The following GDF2 variants were observed in gnomAD, a reference collection of about 807,000 sequenced individuals.
The protein encoded by GDF2 is growth/differentiation factor 2.
In GDF2, 17 loss-of-function variants were observed where a neutral mutation model predicts 16.9. The observed-to-expected ratio is 1.00, with a 90% confidence interval of 0.69 to 1.51. The LOEUF is 1.51. GDF2 is among the 40% of genes most tolerant of loss of function. GDF2 has a pLI of 0.00. For missense variants in GDF2, 523 were observed against 556.3 expected, an observed-to-expected ratio of 0.94 and a Z score of 0.60; for synonymous variants, 276 against 237.6, an observed-to-expected ratio of 1.16 and a Z score of -1.49.
chr10:47,324,798 C>A, intron 1 of GDF2, 43 bp from the exon 2 acceptor site: 2 of 1,388,066 alleles, frequency 1.4e-6, no homozygotes, highest in South Asian at 1.2e-5. Flanking sequence ...GTCATGGAAA[C>A]AGACCCTCCA....
In GDF2 at chr10:47,322,631, C is replaced by T; in HGVS notation, c.-38C>T. 1 of 1,413,912 alleles carries T rather than the reference C, an allele frequency of 7.1e-7. No individual in the cohort carries two copies. The highest frequency in any genetic ancestry group is 9.4e-7 in the Non-Finnish European group (1 of 1,060,924). The allele number at this position is 1,413,912 out of a possible 1,614,324, so 87.6% of individuals were successfully genotyped here. ...CGTGCCCGCTAACACAGCACGGCCG[C>T]CTGCAGTCTCCTCTCTGGGTGATTG... On this transcript the variant is annotated 5_prime_UTR_variant, in exon 1 of 2. Transcript: ENST00000581492.
chr10:47,323,039 G>A (rs190593205), intron 1 of GDF2, 25 bp downstream of exon 1: 26 of 1,530,122 alleles, frequency 1.7e-5, no homozygotes, highest in African/African-American at 2.7e-5. Flanking sequence ...TGCACCATGC[G>A]CGCTGGGGTG....
rs139154868 is a variant in GDF2 at position 47,324,978 on chromosome 10, C to T, written c.484C>T (p.Pro162Ser). The change falls in exon 2 of 2, where the codon CCC (proline) becomes TCC (serine). Residue 162 changes from proline to serine, a missense_variant. Transcript: ENST00000581492. ...LYVSCQNHVD[P>S]SHDLKGSVVI... is the part of the protein sequence containing the mutation. Reference sequence around the variant, plus strand: ...TGTCTCCTGTCAAAATCACGTGGACCCCTCTCATGACCTGAAAGGAAGCGT... The same window carrying T: ...TGTCTCCTGTCAAAATCACGTGGACTCCTCTCATGACCTGAAAGGAAGCGT... 9 of 1,613,960 alleles carry T rather than the reference C, an allele frequency of 5.6e-6. No homozygotes were observed. Among genetic ancestry groups the T allele is most frequent in the African/African-American group, 2.7e-5 (2 of 74,918 alleles).
chr10:47,324,207 C>G (rs2061095327), intron 1 of GDF2, among the ~76,000 whole-genome samples: 1 of 152,164 alleles, frequency 6.6e-6, no homozygotes, highest in Non-Finnish European at 1.5e-5. Context: ...AGATTTTGTT[C>G]CTGAAACACT....
rs374479283 is a variant in GDF2, at chr10:47,325,121, C to A, written c.627C>A (p.Ser209Arg). The A allele has an allele frequency of 6.2e-6, 10 of 1,613,966 alleles. No homozygotes were observed. Among genetic ancestry groups the A allele is most frequent in the South Asian group, 4.4e-5 (4 of 91,068 alleles). The change falls in exon 2 of 2, where the codon AGC becomes AGA. Residue 209 changes from serine (S) to arginine (R), a missense_variant. Ser to Arg is a moderately radical substitution (Grantham distance 110, BLOSUM62 -1). Transcript: ENST00000581492. ...GCTGGGAGACCTTGGAAGTGTCCAG[C>A]GCCGTGAAGCGCTGGGTCCGGTCCG... ...DEGWETLEVSSAVKRWVRSDS... is the reference protein window; with the variant it reads ...DEGWETLEVSRAVKRWVRSDS...
rs368331513 is a variant in GDF2, at chr10:47,325,415, C to T, written c.921C>T (p.His307=). The change falls in exon 2 of 2, where the codon CAC becomes CAT. Residue 307 remains histidine (H), a synonymous_variant. Transcript: ENST00000581492. ...ESSHEEDTDG[H]VAAGSTLARR... ...GTCACGAGGAGGACACGGATGGCCACGTGGCTGCGGGGTCGACTTTAGCCA... is the reference window on the plus strand; with the variant it reads ...GTCACGAGGAGGACACGGATGGCCATGTGGCTGCGGGGTCGACTTTAGCCA... 53 of 1,613,802 alleles carry T rather than the reference C, an allele frequency of 3.3e-5. No individual in the cohort carries two copies. Among genetic ancestry groups the T allele is most frequent in the Non-Finnish European group, 4.0e-5 (47 of 1,180,044 alleles).
chr10:47,326,192 G>C lies in GDF2; in HGVS notation c.*408G>C. On this transcript the variant is annotated 3_prime_UTR_variant, in exon 2 of 2. Transcript: ENST00000581492. Reference sequence around the variant, plus strand: ...AACCCTTGGGGAGTAGAGGGAAGGAGCAGGCCGCGTGTCACACCCATCATT... The same window carrying C: ...AACCCTTGGGGAGTAGAGGGAAGGACCAGGCCGCGTGTCACACCCATCATT... 1 of 171,242 alleles carries C rather than the reference G, an allele frequency of 5.8e-6. No individual in the cohort carries two copies. The highest frequency in any genetic ancestry group is 1.2e-5 in the Non-Finnish European group (1 of 80,528). The allele number at this position is 171,242 out of a possible 1,614,324, so 10.6% of individuals were successfully genotyped here. A position where few individuals can be genotyped will look rare whatever the true frequency, so the allele number is the denominator to read the frequency against.
rs1319200508 is a variant in GDF2 at position 47,327,333 on chromosome 10, A to G, written c.*1549A>G. On this transcript the variant is annotated 3_prime_UTR_variant, in exon 2 of 2. Coordinates refer to ENST00000581492, the MANE Select transcript of GDF2 (RefSeq NM_016204.4). ...CGTGGTTGAAGCTCCCATTTATTTA[A>G]GAAAAAGTGGGGGGTGGGGAAAACG... 6.6e-6 allele frequency among the ~76,000 whole-genome samples: 1 copy of G among 152,198 alleles called. No individual in the cohort carries two copies. The highest frequency in any genetic ancestry group is 2.4e-5 in the African/African-American group (1 of 41,454).
rs373110487 is a variant in GDF2 at position 47,325,255 on chromosome 10, T to C, written c.761T>C (p.Phe254Ser). The change falls in exon 2 of 2, where the codon TTT becomes TCT. Residue 254 changes from phenylalanine (F) to serine (S), a missense_variant. Transcript: ENST00000581492. The part of the protein sequence containing the change: ...VPPGSRNLPF[F>S]VVFSNDHSSG... ...CCAGGTTCCAGAAACCTGCCCTTCT[T>C]TGTTGTCTTCTCCAATGACCACAGC... The C allele has an allele frequency of 1.9e-6, 3 of 1,613,962 alleles. No individual in the cohort carries two copies. The African/African-American group carries it at 4.0e-5, about 22-fold the overall frequency.
In GDF2 at chr10:47,322,791, G is replaced by GGGGGTGCCTGGAGGT. The variant is rs782768721; in HGVS notation, c.127_141dup (p.Val43_Gly47dup). 1.3e-5 allele frequency: 21 copies of GGGGGTGCCTGGAGGT among 1,613,546 alleles called. No homozygotes were observed. In the African/African-American group the frequency reaches 2.4e-4, roughly 18 times the overall value. The stretch of plus-strand genomic sequence containing the variant: ...CTGGGGGAAACGCCCACAGCCCACT[G>GGGGGTGCCTGGAGGT]GGGGTGCCTGGAGGTGGGCTGCCTG... On this transcript the variant is annotated inframe_insertion, in exon 1 of 2. Coordinates refer to ENST00000581492, the MANE Select transcript of GDF2 (RefSeq NM_016204.4).
chr10:47,327,470 G>A lies in GDF2; in HGVS notation c.*1686G>A, dbSNP rs1372103122. ...AAAATATGAATTCCTGCTACATGCCGGGCAGTGTAGTGTTACAATGCTATT... is the reference window on the plus strand; with the variant it reads ...AAAATATGAATTCCTGCTACATGCCAGGCAGTGTAGTGTTACAATGCTATT... On this transcript the variant is annotated 3_prime_UTR_variant, in exon 2 of 2. Transcript: ENST00000581492. Among the ~76,000 whole-genome samples, 2 of 152,240 alleles carry A rather than the reference G, an allele frequency of 1.3e-5. No individual in the cohort carries two copies. The highest frequency in any genetic ancestry group is 3.9e-4 in the East Asian group (2 of 5,188).
rs372122255 is a variant in GDF2, at chr10:47,322,659, C to A, written c.-10C>A. ...GCAGTCTCCTCTCTGGGTGATTGCG[C>A]GGGCCTAAGATGTGTCCTGGGGCAC... is the stretch of plus-strand genomic sequence containing the variant. On this transcript the variant is annotated 5_prime_UTR_variant, in exon 1 of 2. Transcript: ENST00000581492. 6.7e-7 allele frequency: 1 copy of A among 1,498,188 alleles called. No individual in the cohort carries two copies. Among genetic ancestry groups the A allele is most frequent in the South Asian group, 1.3e-5 (1 of 74,578 alleles). 92.8% of individuals were successfully genotyped at this position (1,498,188 alleles called of 1,614,324 possible). A position where few individuals can be genotyped will look rare whatever the true frequency, so the allele number is the denominator to read the frequency against.
chr10:47,325,405 C>A lies in GDF2; in HGVS notation c.911C>A (p.Thr304Lys). 6.2e-7 allele frequency: 1 copy of A among 1,613,998 alleles called. No individual in the cohort carries two copies. Among genetic ancestry groups the A allele is most frequent in the Non-Finnish European group, 8.5e-7 (1 of 1,180,040 alleles). ...EAGESSHEED[T>K]DGHVAAGSTL... ...GGTGAGAGCAGTCACGAGGAGGACACGGATGGCCACGTGGCTGCGGGGTCG... is the reference window on the plus strand; with the variant it reads ...GGTGAGAGCAGTCACGAGGAGGACAAGGATGGCCACGTGGCTGCGGGGTCG... The change falls in exon 2 of 2, where the codon ACG (threonine) becomes AAG (lysine). Residue 304 changes from threonine (T) to lysine (K), a missense_variant. Transcript: ENST00000581492.
chr10:47,327,412 C>T lies in GDF2; in HGVS notation c.*1628C>T, dbSNP rs781832013. On this transcript the variant is annotated 3_prime_UTR_variant, in exon 2 of 2. Coordinates refer to ENST00000581492, the MANE Select transcript of GDF2 (RefSeq NM_016204.4). ...GAACAACTTTAACACACAAATACAA[C>T]GAAACATTCTTGTTTAATTACTGGC... Among the ~76,000 whole-genome samples, 10 of 152,270 alleles carry T rather than the reference C, an allele frequency of 6.6e-5. No individual in the cohort carries two copies. Among genetic ancestry groups the T allele is most frequent in the African/African-American group, 2.4e-4 (10 of 41,536 alleles).
At position 47,322,509 on chromosome 10, in the gene GDF2, T is replaced by C. The variant is rs2132233781; in HGVS notation, c.-160T>C. The stretch of plus-strand genomic sequence containing the variant: ...CCAGATAAGCACAAGTGGAGGACAA[T>C]CCAGCCCGGCAGCGGGTGAGAGTGG... On this transcript the variant is annotated 5_prime_UTR_variant, in exon 1 of 2. Coordinates refer to ENST00000581492, the MANE Select transcript of GDF2 (RefSeq NM_016204.4). The C allele has an allele frequency of 3.5e-6, 2 of 575,082 alleles. No individual in the cohort carries two copies. The highest frequency in any genetic ancestry group is 6.4e-5 in the Admixed American group (2 of 31,096). The allele number at this position is 575,082 out of a possible 1,614,324, so 35.6% of individuals were successfully genotyped here. A position where few individuals can be genotyped will look rare whatever the true frequency, so the allele number is the denominator to read the frequency against.
In GDF2 at chr10:47,327,566, C is replaced by T. The variant is rs34130368; in HGVS notation, c.*1782C>T. Among the ~76,000 whole-genome samples the T allele has an allele frequency of 1.3e-5, 2 of 152,076 alleles. No individual in the cohort carries two copies. Among genetic ancestry groups the T allele is most frequent in the African/African-American group, 4.8e-5 (2 of 41,408 alleles). On this transcript the variant is annotated 3_prime_UTR_variant, in exon 2 of 2. Coordinates refer to ENST00000581492, the MANE Select transcript of GDF2 (RefSeq NM_016204.4). The stretch of plus-strand genomic sequence containing the variant: ...TCTGTGCCTGCTTGAAAATTTCACT[C>T]GGAAATAAAGTCAAATGTCTAATTT...
chr10:47,325,141 G>C lies in GDF2; in HGVS notation c.647G>C (p.Arg216Pro). 6.2e-7 allele frequency: 1 copy of C among 1,613,882 alleles called. No homozygotes were observed. Residue 216 changes from arginine (R) to proline (P), a missense_variant, in exon 2 of 2, where the codon CGG (arginine) becomes CCG (proline). Coordinates refer to ENST00000581492, the MANE Select transcript of GDF2 (RefSeq NM_016204.4). ...EVSSAVKRWV[R>P]SDSTKSKNKL... is the part of the protein sequence containing the mutation. The stretch of plus-strand genomic sequence containing the variant: ...TCCAGCGCCGTGAAGCGCTGGGTCC[G>C]GTCCGACTCCACCAAGAGCAAAAAT...
At position 47,325,966 on chromosome 10, in the gene GDF2, G is replaced by T. The variant is rs1488632211; in HGVS notation, c.*182G>T. On this transcript the variant is annotated 3_prime_UTR_variant, in exon 2 of 2. Coordinates refer to ENST00000581492, the MANE Select transcript of GDF2 (RefSeq NM_016204.4). The stretch of plus-strand genomic sequence containing the variant: ...CCGCTGAGCTCAACTGCCAGGGAAG[G>T]CTAAGGAAATGGGGATTTGAGCACA... 2 of 504,692 alleles carry T rather than the reference G, an allele frequency of 4.0e-6. No homozygotes were observed. Among genetic ancestry groups the T allele is most frequent in the African/African-American group, 1.9e-5 (1 of 52,704 alleles). The allele number at this position is 504,692 out of a possible 1,614,324, so 31.3% of individuals were successfully genotyped here.
chr10:47,322,522 C>A lies in GDF2; in HGVS notation c.-147C>A. On this transcript the variant is annotated 5_prime_UTR_variant, in exon 1 of 2. Transcript: ENST00000581492. ...AGTGGAGGACAATCCAGCCCGGCAGCGGGTGAGAGTGGGTGCTGGCCAGGA... is the reference window on the plus strand; with the variant it reads ...AGTGGAGGACAATCCAGCCCGGCAGAGGGTGAGAGTGGGTGCTGGCCAGGA... 1 of 591,560 alleles carries A rather than the reference C, an allele frequency of 1.7e-6. No homozygotes were observed. The highest frequency in any genetic ancestry group is 2.9e-6 in the Non-Finnish European group (1 of 348,412). The allele number at this position is 591,560 out of a possible 1,614,324, so 36.6% of individuals were successfully genotyped here. A position where few individuals can be genotyped will look rare whatever the true frequency, so the allele number is the denominator to read the frequency against.
Sources: allele counts gnomAD v4.1 joint callset (sites outside exome capture counted in the v4.1 genomes callset), GRCh38; gene constraint gnomAD v4.1.1; transcripts MANE v1.5; gene names NCBI Gene and HGNC (gene_info 2026-07-23, HGNC 2026-07-21).